Variants in HSPG2 observed in about 807,000 individuals in gnomAD.
HSPG2 encodes heparan sulfate proteoglycan 2.
In HSPG2, 278 loss-of-function variants were observed where a neutral mutation model predicts 526.6. The observed-to-expected ratio is 0.53, with a 90% confidence interval of 0.48 to 0.58. The LOEUF (loss-of-function observed/expected upper bound fraction) is 0.58. Among genes scored for constraint, HSPG2 ranks in the 20% least tolerant of loss-of-function variants. The pLI, the probability that HSPG2 is intolerant of heterozygous loss-of-function variation, is 0.00. For missense variants in HSPG2, 5,354 were observed against 6,099.5 expected (o/e 0.88, Z 4.07); for synonymous variants, 2,465 against 2,555.4 (o/e 0.96, Z 1.07).
rs1572281861 is a variant in HSPG2 at position 21,865,950 on chromosome 1, G to A, written c.4222-141C>T. The stretch of plus-strand genomic sequence containing the variant: ...CCCCCCTCCCTGCCCAAACCAAGAG[G>A]CCAGGGTGCATGGTTGCCTGGGAAA... On this transcript the variant is annotated intron_variant, in intron 33 of 96. Coordinates refer to ENST00000374695, the MANE Select transcript of HSPG2 (RefSeq NM_005529.7). This position sits in a 1 kb window ranked among gnomAD's most constrained non-coding sequence, Gnocchi z 5.4. The A allele has an allele frequency of 2.9e-6, 2 of 698,836 alleles. No homozygotes were observed. The highest frequency in any genetic ancestry group is 5.2e-6 in the Non-Finnish European group (2 of 385,364). The allele number at this position is 698,836 out of a possible 1,614,324, so 43.3% of individuals were successfully genotyped here.
Position 21,872,552 on chromosome 1 carries a change from T to G in HSPG2, c.4029+68A>C, listed in dbSNP as rs1472978490. The G allele has an allele frequency of 2.1e-5, 32 of 1,539,854 alleles. No individual in the cohort carries two copies. The highest frequency in any genetic ancestry group is 2.8e-5 in the Non-Finnish European group (32 of 1,137,452). ...CGGGGATGAGGGTCGCTGGGCTCAG[T>G]GCTCAGATGGACAGTAACAGGCAGC... On this transcript the variant is annotated intron_variant, in intron 32 of 96. Coordinates refer to ENST00000374695, the MANE Select transcript of HSPG2 (RefSeq NM_005529.7). The surrounding 1 kb of genome is among the most constrained non-coding windows in gnomAD (Gnocchi z 5.5).
intron 1 of HSPG2, among the ~76,000 whole-genome samples, chr1:21,929,112 C>A (rs767943965): frequency 5.3e-5 from 8 of 152,190 alleles, no homozygotes; most frequent in Non-Finnish European, 1.2e-4. Flanking sequence ...ACCAGGCAAA[C>A]AGCAATGAAC....
rs945155682 is a variant in HSPG2, at chr1:21,822,484, C to T, written c.*832G>A. The T allele has an allele frequency of 2.3e-5, 9 of 392,224 alleles. No homozygotes were observed. Among genetic ancestry groups the T allele is most frequent in the Non-Finnish European group, 3.9e-5 (8 of 206,534 alleles). The allele number at this position is 392,224 out of a possible 1,614,324, so 24.3% of individuals were successfully genotyped here. A position where few individuals can be genotyped will look rare whatever the true frequency, so the allele number is the denominator to read the frequency against. ...GGCACTAGCTCTTCCTGAGCACCAG[C>T]GGCATCCGTCCGTCCGTTGTCTGTT... is the stretch of plus-strand genomic sequence containing the variant. On this transcript the variant is annotated 3_prime_UTR_variant, in exon 97 of 97. Coordinates refer to ENST00000374695, the MANE Select transcript of HSPG2 (RefSeq NM_005529.7).
At position 21,832,596 on chromosome 1, in the gene HSPG2, C is replaced by T; in HGVS notation, c.11106G>A (p.Leu3702=). 6.2e-7 allele frequency: 1 copy of T among 1,613,982 alleles called. No individual in the cohort carries two copies. The highest frequency in any genetic ancestry group is 2.2e-5 in the East Asian group (1 of 44,882). Residue 3702 remains leucine, a synonymous_variant, in exon 81 of 97, where the codon CTG becomes CTA. Transcript: ENST00000374695. ...FRPDSADGML[L]YNGQKRVPGS... ...CTGGGACTCGCTTCTGCCCATTGTA[C>T]AGCAGCATCCCTGGGTGGGCACCAC...
rs373144343 is a variant in HSPG2, at chr1:21,872,635, G to A, written c.4014C>T (p.Ala1338=). 1.2e-5 allele frequency: 19 copies of A among 1,590,568 alleles called. No individual in the cohort carries two copies. The highest frequency in any genetic ancestry group is 1.9e-4 in the Middle Eastern group (1 of 5,328). ...MGITQQCASS[A]YTRHLISTHF... ...AGGCTCTCACCAGGTGGCGTGTGTA[G>A]GCAGAGCTGGCGCACTGCTGGGTGA... Residue 1338 remains alanine, a synonymous_variant, in exon 32 of 97, where the codon GCC becomes GCT. Transcript: ENST00000374695. The surrounding 1 kb of genome is among the most constrained non-coding windows in gnomAD (Gnocchi z 5.5).
chr1:21,927,197 G>A (rs1301267534), intron 1 of HSPG2, among the ~76,000 whole-genome samples: 1 of 152,158 alleles, frequency 6.6e-6, no homozygotes, highest in Non-Finnish European at 1.5e-5. Flanking sequence ...CTTCCCCACC[G>A]ACTGGGATGG....
At position 21,841,567 on chromosome 1, in the gene HSPG2, G is replaced by A. The variant is rs2098048599; in HGVS notation, c.9300C>T (p.Ala3100=). 1 of 1,614,216 alleles carries A rather than the reference G, an allele frequency of 6.2e-7. No homozygotes were observed. Among genetic ancestry groups the A allele is most frequent in the Non-Finnish European group, 8.5e-7 (1 of 1,180,038 alleles). ...GCACACTGAGGTTCACCACACTCTG[G>A]GCCACACCGTAGGCATTGGAGGCCA... ...RCVASNAYGV[A]QSVVNLSVHG... Residue 3100 remains alanine (A), a synonymous_variant, in exon 70 of 97, where the codon GCC becomes GCT. Transcript: ENST00000374695.
At chr1:21,878,899 C>A in intron 18 of HSPG2, 95 bp downstream of exon 18, 1 of 1,468,248 alleles carries the variant, frequency 6.8e-7, no homozygotes, top group South Asian at 1.2e-5. Flanking sequence ...AGGTAGAGAT[C>A]TGAATCCAAG....
chr1:21,891,759 T>C (rs1642379481), intron 3 of HSPG2, among the ~76,000 whole-genome samples: 1 of 152,272 alleles, frequency 6.6e-6, no homozygotes, highest in Non-Finnish European at 1.5e-5. Context: ...TACAGGTGCA[T>C]GCCACCATGC....
chr1:21,927,736 G>C (rs894972781), intron 1 of HSPG2, among the ~76,000 whole-genome samples: 1 of 152,210 alleles, frequency 6.6e-6, no homozygotes, highest in African/African-American at 2.4e-5. Flanking sequence ...GGAGCAATCA[G>C]GGTGGAAGGA....
At chr1:21,911,841 G>C (rs534890203) in intron 1 of HSPG2, among the ~76,000 whole-genome samples, 1 of 152,156 alleles carries the variant, frequency 6.6e-6, no homozygotes, top group Non-Finnish European at 1.5e-5. Flanking sequence ...CTCCCAGTTC[G>C]GTGCCAAGCC....
intron 37 of HSPG2, 135 bp from the exon 38 acceptor site, chr1:21,862,250 AG>A (rs1368014714): frequency 9.4e-7 from 1 of 1,069,094 alleles, no homozygotes; most frequent in African/African-American, 1.6e-5. Context: ...AAGGGCACAA[AG>A]ATTTCATTAC....
rs1159156042 is a variant in HSPG2, at chr1:21,830,188, G to C, written c.11672-97C>G. ...TCTGCCCATCACACCCCGGGGGGCT[G>C]GGCTAGTGAGGGCCAGGCCAGCCTC... On this transcript the variant is annotated intron_variant, in intron 85 of 96. Transcript: ENST00000374695. 3 of 961,782 alleles carry C rather than the reference G, an allele frequency of 3.1e-6. No individual in the cohort carries two copies. The African/African-American group carries it at 4.8e-5, about 16-fold the overall frequency. The allele number at this position is 961,782 out of a possible 1,614,324, so 59.6% of individuals were successfully genotyped here.
At position 21,847,500 on chromosome 1, in the gene HSPG2, T is replaced by G. The variant is rs750859867; in HGVS notation, c.8026-8A>C. 1.2e-6 allele frequency: 2 copies of G among 1,613,466 alleles called. No homozygotes were observed. The highest frequency in any genetic ancestry group is 1.7e-6 in the Non-Finnish European group (2 of 1,179,936). ...CAGGTGGGAGCCATGGGTCTGGACG[T>G]GCGGATGGGGAAGGAGAGGGAGAGG... On this transcript the variant is annotated splice_polypyrimidine_tract_variant and splice_region_variant and intron_variant, in intron 61 of 96. Coordinates refer to ENST00000374695, the MANE Select transcript of HSPG2 (RefSeq NM_005529.7). The surrounding 1 kb of genome is among the most constrained non-coding windows in gnomAD (Gnocchi z 4.1).
At position 21,879,011 on chromosome 1, in the gene HSPG2, G is replaced by A. The variant is rs147298564; in HGVS notation, c.2454C>T (p.Tyr818=). Residue 818 remains tyrosine, a synonymous_variant, in exon 18 of 97, where the codon TAC becomes TAT. Transcript: ENST00000374695. ...ATSCRPCPCP[Y]IDASRRFSDT... ...GGGCTGACCTGCGGGAGGCATCGAT[G>A]TATGGGCAAGGGCAGGGCCGGCAGG... 20 of 1,614,068 alleles carry A rather than the reference G, an allele frequency of 1.2e-5. No individual in the cohort carries two copies. In the African/African-American group the frequency reaches 2.3e-4, roughly 18 times the overall value.
intron 9 of HSPG2, 71 bp from the exon 10 acceptor site, chr1:21,885,522 CTCTCA>C: frequency 6.3e-7 from 1 of 1,579,044 alleles, no homozygotes; most frequent in Non-Finnish European, 8.7e-7. Context: ...CAGGGCCACT[CTCTCA>C]TCTTGCCCAC....
chr1:21,832,007 G>A (rs2098006470), intron 81 of HSPG2, among the ~76,000 whole-genome samples: 3 of 152,054 alleles, frequency 2.0e-5, no homozygotes, highest in African/African-American at 7.2e-5. Flanking sequence ...CTTTTGCTGG[G>A]AGCTTTCCCA....
intron 1 of HSPG2, among the ~76,000 whole-genome samples, chr1:21,935,322 C>G (rs1344544250): frequency 6.6e-6 from 1 of 152,244 alleles, no homozygotes; most frequent in African/African-American, 2.4e-5. Context: ...AGAAGGCTCT[C>G]TAATCCCACA....
chr1:21,846,448 C>G lies in HSPG2; in HGVS notation c.8316G>C (p.Gln2772His), dbSNP rs574388068. The part of the protein sequence containing the change: ...KRGGSLPSHH[Q>H]TRGSRLRLHH... Reference sequence around the variant, plus strand: ...CCACCATTTCCTGCCAGCTGCATACCTGATGGTGACTGGGGAGGCTGCCCC... The same window carrying G: ...CCACCATTTCCTGCCAGCTGCATACGTGATGGTGACTGGGGAGGCTGCCCC... Residue 2772 changes from glutamine to histidine, a missense_variant and splice_region_variant, in exon 63 of 97, where the codon CAG becomes CAC. Coordinates refer to ENST00000374695, the MANE Select transcript of HSPG2 (RefSeq NM_005529.7). The G allele has an allele frequency of 6.2e-7, 1 of 1,613,488 alleles. No individual in the cohort carries two copies. Among genetic ancestry groups the G allele is most frequent in the East Asian group, 2.2e-5 (1 of 44,888 alleles).
Sources: gnomAD v4.1 joint callset for allele counts (sites outside exome capture counted in the v4.1 genomes callset) on GRCh38, gnomAD v4.1.1 for gene constraint, Gnocchi (gnomAD v3.1) non-coding constraint, MANE v1.5 for transcripts, NCBI Gene and HGNC (gene_info 2026-07-23, HGNC 2026-07-21) for gene names.